Variants in TYW1 observed in about 807,000 individuals in gnomAD.
The protein encoded by TYW1 is tRNA-yW synthesizing protein 1 homolog, also known as S-adenosyl-L-methionine-dependent tRNA 4-demethylwyosine synthase TYW1.
Under a neutral mutation model 96.2 loss-of-function variants are expected in TYW1, and 46 were observed. The ratio of observed to expected loss-of-function variants is 0.48; its 90% CI spans 0.38 to 0.61. The LOEUF (loss-of-function observed/expected upper bound fraction) is 0.61, where lower values mean the gene tolerates loss of function less well. Among genes scored for constraint, TYW1 ranks in the 20% least tolerant of loss-of-function variants. The probability of loss-of-function intolerance (pLI) is 0.00; values close to 1 mark genes in which losing one functional copy is unlikely to be tolerated. For missense variants in TYW1, 684 were observed against 909.6 expected (o/e 0.75, Z 3.19); for synonymous variants, 274 against 323.0 (o/e 0.85, Z 1.63).
At chr7:67,084,601 T>C (rs1315375152) in intron 11 of TYW1, among the ~76,000 whole-genome samples, 1 of 151,798 alleles carries the variant, frequency 6.6e-6, no homozygotes, top group African/African-American at 2.4e-5. Flanking sequence ...CACTGCAACC[T>C]TCACTTCCCA....
intron 12 of TYW1, among the ~76,000 whole-genome samples, chr7:67,107,293 G>A (rs1319078958): frequency 6.6e-6 from 1 of 152,200 alleles, no homozygotes; most frequent in Non-Finnish European, 1.5e-5. Flanking sequence ...TTCAGTAGAA[G>A]TAAATACGGC....
At chr7:67,123,064 T>G (rs1797807515) in intron 13 of TYW1, among the ~76,000 whole-genome samples, 1 of 152,200 alleles carries the variant, frequency 6.6e-6, no homozygotes, top group African/African-American at 2.4e-5. Context: ...TCCTTTGCTT[T>G]AGGATGAGCT....
chr7:67,053,827 G>C (rs1795434770), intron 8 of TYW1, among the ~76,000 whole-genome samples: 1 of 152,210 alleles, frequency 6.6e-6, no homozygotes, highest in Admixed American at 6.5e-5. Context: ...AAATACTTGA[G>C]AGAAATCCCC....
At chr7:67,144,849 G>A (rs973847880) in intron 13 of TYW1, among the ~76,000 whole-genome samples, 10 of 151,966 alleles carry the variant, frequency 6.6e-5, no homozygotes, top group African/African-American at 1.7e-4. Flanking sequence ...ACTTACAAAG[G>A]CAACATTTAT....
intron 4 of TYW1, 81 bp from the exon 5 acceptor site, chr7:67,014,286 A>G (rs1793931317): frequency 6.6e-7 from 1 of 1,504,894 alleles, no homozygotes; most frequent in Non-Finnish European, 8.9e-7. Flanking sequence ...TGAGATGAGT[A>G]TGCTTTTTTT....
intron 7 of TYW1, among the ~76,000 whole-genome samples, chr7:67,039,786 C>G (rs1334949485): frequency 1.3e-5 from 2 of 151,480 alleles, no homozygotes; most frequent in Non-Finnish European, 2.9e-5. Flanking sequence ...CCTCAGCCTC[C>G]TGAGTAGCTG....
chr7:67,006,438 C>CTTTTTTT (rs34088521), intron 3 of TYW1, among the ~76,000 whole-genome samples: 2 of 114,760 alleles, frequency 1.7e-5, no homozygotes, highest in African/African-American at 6.6e-5. Context: ...TTCTTTTTTC[C>CTTTTTTT]TTTTTTTTTT....
Position 67,058,257 on chromosome 7 carries a change from G to A in TYW1, c.1155+2370G>A, listed in dbSNP as rs530043757. Among the ~76,000 whole-genome samples, 50 of 152,224 alleles carry A rather than the reference G, an allele frequency of 3.3e-4. No individual in the cohort carries two copies. The East Asian group carries it at 3.7e-3, about 11-fold the overall frequency. On this transcript the variant is annotated intron_variant, in intron 9 of 15. Coordinates refer to ENST00000359626, the MANE Select transcript of TYW1 (RefSeq NM_018264.4). ...CCTACAGGTTTGATTTTTGTCTGTC[G>A]TTTTTCTTTAGGTGAAAATGACAAA...
chr7:67,215,673 T>A (rs12537561), intron 15 of TYW1, among the ~76,000 whole-genome samples: 6,085 of 151,878 alleles, frequency 0.04, 178 homozygotes, highest in Middle Eastern at 0.092. Context: ...TAGGGGAGTT[T>A]ATTAAGTACT....
chr7:67,035,926 C>G (rs1311843007), intron 7 of TYW1, among the ~76,000 whole-genome samples: 5 of 151,254 alleles, frequency 3.3e-5, no homozygotes, highest in African/African-American at 4.8e-5. Flanking sequence ...ATCCGCCCAC[C>G]TTGGCCTCCC....
intron 10 of TYW1, among the ~76,000 whole-genome samples, chr7:67,072,828 T>C (rs1169479541): frequency 1.3e-5 from 2 of 151,674 alleles, no homozygotes. Context: ...AGTACAGTGG[T>C]GCAATCATAG....
At chr7:67,037,521 A>T (rs1027857432) in intron 7 of TYW1, among the ~76,000 whole-genome samples, 3 of 151,732 alleles carry the variant, frequency 2.0e-5, no homozygotes, top group Non-Finnish European at 4.4e-5. Context: ...AAAAAAAAAA[A>T]AGATAATCCT....
At chr7:67,045,620 G>T (rs1449832613) in intron 7 of TYW1, among the ~76,000 whole-genome samples, 1 of 152,232 alleles carries the variant, frequency 6.6e-6, no homozygotes, top group East Asian at 1.9e-4. Context: ...AGTTTATAAA[G>T]AACGTTTTGT....
intron 13 of TYW1, among the ~76,000 whole-genome samples, chr7:67,141,075 A>AT (rs1224167020): frequency 1.3e-5 from 2 of 152,124 alleles, no homozygotes; most frequent in Non-Finnish European, 2.9e-5. Context: ...TTTGTAGGTT[A>AT]TTTTTCTGGG....
Position 67,024,994 on chromosome 7 carries a change from A to G in TYW1, c.956A>G (p.Lys319Arg). The change falls in exon 7 of 16, where the codon AAA becomes AGA. Residue 319 changes from lysine (K) to arginine (R), a missense_variant. Physicochemically the swap from Lys to Arg is conservative, Grantham distance 26. Transcript: ENST00000359626. Reference protein sequence around the residue: ...NSIVDVEDLGKIMDHVKKEKR... With the variant: ...NSIVDVEDLGRIMDHVKKEKR... ...ATTGTTGATGTTGAAGATTTGGGCAAAATTATGGATCATGTGAAGAAAGAA... is the reference window on the plus strand; with the variant it reads ...ATTGTTGATGTTGAAGATTTGGGCAGAATTATGGATCATGTGAAGAAAGAA... 6.2e-7 allele frequency: 1 copy of G among 1,613,882 alleles called. No homozygotes were observed. The highest frequency in any genetic ancestry group is 8.5e-7 in the Non-Finnish European group (1 of 1,179,832).
intron 11 of TYW1, among the ~76,000 whole-genome samples, chr7:67,092,011 C>T (rs1471389593): frequency 1.3e-5 from 2 of 152,188 alleles, no homozygotes; most frequent in Non-Finnish European, 2.9e-5. Context: ...CTCTTCCTCT[C>T]CCCAGAACTG....
At chr7:67,219,374 T>G (rs1801307505) in intron 15 of TYW1, among the ~76,000 whole-genome samples, 1 of 152,114 alleles carries the variant, frequency 6.6e-6, no homozygotes, top group South Asian at 2.1e-4. Flanking sequence ...TTGTCTGGCT[T>G]TGGTATCAGG....
intron 8 of TYW1, among the ~76,000 whole-genome samples, chr7:67,054,943 A>G (rs1015614025): frequency 2.6e-5 from 4 of 152,214 alleles, no homozygotes; most frequent in African/African-American, 9.6e-5. Context: ...ATTCACGTTT[A>G]AGATGTAGTT....
rs778743156 is a variant in TYW1 at position 67,032,885 on chromosome 7, CT to C, written c.984+7892del. Among the ~76,000 whole-genome samples, 186 of 76,264 alleles carry C rather than the reference CT, an allele frequency of 2.4e-3. 2 individuals carry two copies. Among genetic ancestry groups the C allele is most frequent in the East Asian group, 3.3e-3 (9 of 2,758 alleles). 50.0% of individuals were successfully genotyped at this position (76,264 alleles called of 152,430 possible). ...ATTTTCCAGCAGCAGAGAAGTATAC[CT>C]TTTTTTTTTTTTTTTTTTTTTTTTT... On this transcript the variant is annotated intron_variant, in intron 7 of 15. Coordinates refer to ENST00000359626, the MANE Select transcript of TYW1 (RefSeq NM_018264.4).
Sources: allele counts gnomAD v4.1 joint callset (sites outside exome capture counted in the v4.1 genomes callset), GRCh38; gene constraint gnomAD v4.1.1; transcripts MANE v1.5; gene names NCBI Gene and HGNC (gene_info 2026-07-23, HGNC 2026-07-21).